HCN1: variants seen among roughly 807,000 people sequenced by gnomAD.
HCN1 encodes hyperpolarization activated cyclic nucleotide gated potassium channel 1.
A neutral mutation model predicts 78.9 loss-of-function variants in HCN1; 13 were observed. The ratio of observed to expected loss-of-function variants is 0.16; its 90% CI spans 0.11 to 0.26. HCN1 has a LOEUF of 0.26. HCN1 is among the 10% of genes least tolerant of loss of function. The pLI, the probability that HCN1 is intolerant of heterozygous loss-of-function variation, is 1.00. For synonymous variants in HCN1, 552 were observed against 455.5 expected (o/e 1.21, Z -2.70); for missense variants, 810 against 1,154.3 (o/e 0.70, Z 4.32).
At chr5:45,300,347 C>A (rs969797786) in intron 6 of HCN1, among the ~76,000 whole-genome samples, 2 of 151,908 alleles carry the variant, frequency 1.3e-5, no homozygotes, top group Non-Finnish European at 2.9e-5. Context: ...TTTTCTTCTG[C>A]CTCTGCCACC....
intron 1 of HCN1, among the ~76,000 whole-genome samples, chr5:45,668,856 C>G (rs1404555337): frequency 6.6e-6 from 1 of 151,848 alleles, no homozygotes; most frequent in South Asian, 2.1e-4. Context: ...AAGCCAAAAT[C>G]GTGGTCCACT....
At chr5:45,267,286 G>C (rs781143952) in intron 6 of HCN1, 33 bp from the exon 7 acceptor site, 2 of 1,606,734 alleles carry the variant, frequency 1.2e-6, no homozygotes, top group South Asian at 1.1e-5. Flanking sequence ...AGAATGACTT[G>C]TTTGATCATT....
At chr5:45,411,665 G>C (rs1049658048) in intron 3 of HCN1, among the ~76,000 whole-genome samples, 4 of 151,848 alleles carry the variant, frequency 2.6e-5, no homozygotes, top group Admixed American at 2.0e-4. Flanking sequence ...AAAACATTAA[G>C]AAAAAGGCAA....
intron 5 of HCN1, among the ~76,000 whole-genome samples, chr5:45,311,493 TTAAAA>T (rs1745851006): frequency 6.6e-6 from 1 of 152,192 alleles, no homozygotes; most frequent in Admixed American, 6.5e-5. Context: ...TTTTATTTTG[TTAAAA>T]TAAGTCATAA....
At chr5:45,548,015 C>G (rs1362723826) in intron 2 of HCN1, among the ~76,000 whole-genome samples, 1 of 151,606 alleles carries the variant, frequency 6.6e-6, no homozygotes, top group Non-Finnish European at 1.5e-5. Flanking sequence ...TTTGGTTGAC[C>G]AGAATAAAAC....
intron 2 of HCN1, among the ~76,000 whole-genome samples, chr5:45,619,131 A>G (rs571105103): frequency 5.7e-4 from 86 of 152,188 alleles, no homozygotes; most frequent in African/African-American, 1.9e-3. Flanking sequence ...TCAAACTCCT[A>G]AAGTAGTAGA....
chr5:45,314,884 C>T (rs576623084), intron 5 of HCN1, among the ~76,000 whole-genome samples: 2 of 152,216 alleles, frequency 1.3e-5, no homozygotes, highest in South Asian at 2.1e-4. Flanking sequence ...TATATATGCA[C>T]CCAATACAGG....
intron 1 of HCN1, among the ~76,000 whole-genome samples, chr5:45,676,762 C>A (rs1026447979): frequency 6.6e-6 from 1 of 151,720 alleles, no homozygotes; most frequent in Admixed American, 6.6e-5. Context: ...GAAATCTTAA[C>A]CTTGAATGGA....
At chr5:45,539,349 A>G (rs1743041060) in intron 2 of HCN1, among the ~76,000 whole-genome samples, 1 of 151,258 alleles carries the variant, frequency 6.6e-6, no homozygotes, top group Non-Finnish European at 1.5e-5. Flanking sequence ...TTATTAAAGT[A>G]GAAATAAAAT....
At chr5:45,577,452 T>A (rs1455594621) in intron 2 of HCN1, among the ~76,000 whole-genome samples, 3 of 152,106 alleles carry the variant, frequency 2.0e-5, no homozygotes, top group African/African-American at 7.2e-5. Flanking sequence ...TCACAAATTA[T>A]CATGTATTCA....
intron 6 of HCN1, among the ~76,000 whole-genome samples, chr5:45,292,818 T>C (rs1278919914): frequency 6.6e-6 from 1 of 152,042 alleles, no homozygotes; most frequent in Non-Finnish European, 1.5e-5. Context: ...ATCATTCTTC[T>C]ACCCATCTAC....
intron 2 of HCN1, among the ~76,000 whole-genome samples, chr5:45,586,713 G>T (rs1194771734): frequency 6.6e-6 from 1 of 152,070 alleles, no homozygotes; most frequent in Non-Finnish European, 1.5e-5. Flanking sequence ...GCAATCTGTT[G>T]CAGCAGCAAT....
chr5:45,324,169 C>T (rs1369096501), intron 5 of HCN1, among the ~76,000 whole-genome samples: 3 of 151,698 alleles, frequency 2.0e-5, no homozygotes, highest in Non-Finnish European at 4.4e-5. Flanking sequence ...TCTAATTAAA[C>T]TAAAGAGCTT....
intron 4 of HCN1, among the ~76,000 whole-genome samples, chr5:45,392,994 T>G (rs1210390235): frequency 6.6e-6 from 1 of 152,116 alleles, no homozygotes; most frequent in East Asian, 1.9e-4. Flanking sequence ...GCCCTGCCAT[T>G]AGAAAGCACA....
intron 1 of HCN1, among the ~76,000 whole-genome samples, chr5:45,670,342 T>G (rs565700662): frequency 4.6e-5 from 7 of 151,848 alleles, no homozygotes; most frequent in African/African-American, 1.7e-4. Flanking sequence ...TCCAACACAT[T>G]TCATATGTTT....
chr5:45,638,526 C>T (rs943088331), intron 2 of HCN1, among the ~76,000 whole-genome samples: 3 of 152,146 alleles, frequency 2.0e-5, no homozygotes, highest in African/African-American at 7.2e-5. Flanking sequence ...TGCCACGGGG[C>T]GCTGACCAAA....
chr5:45,629,484 C>G (rs574673196), intron 2 of HCN1, among the ~76,000 whole-genome samples: 1 of 152,128 alleles, frequency 6.6e-6, no homozygotes, highest in East Asian at 1.9e-4. Flanking sequence ...AGGTGTAAAA[C>G]TCAAAGATAA....
chr5:45,454,418 AT>A (rs534808541), intron 3 of HCN1, among the ~76,000 whole-genome samples: 2 of 150,486 alleles, frequency 1.3e-5, no homozygotes, highest in African/African-American at 2.4e-5. Flanking sequence ...CTACGAAGGC[AT>A]TTTTTTTTCC....
At chr5:45,399,690 T>A (rs2112043568) in intron 3 of HCN1, among the ~76,000 whole-genome samples, 1 of 152,202 alleles carries the variant, frequency 6.6e-6, no homozygotes, top group African/African-American at 2.4e-5. Context: ...CTTATAAACC[T>A]TGGAACTGCA....
Sources: allele counts gnomAD v4.1 joint callset (sites outside exome capture counted in the v4.1 genomes callset), GRCh38; gene constraint gnomAD v4.1.1; transcripts MANE v1.5; gene names NCBI Gene and HGNC (gene_info 2026-07-23, HGNC 2026-07-21).